The following ERC1 variants were observed in gnomAD, a reference collection of about 807,000 sequenced individuals.
The protein encoded by ERC1 is ELKS/RAB6-interacting/CAST family member 1.
ERC1 carries 56 observed loss-of-function variants against 132.0 expected under a neutral mutation model. The ratio of observed to expected loss-of-function variants is 0.42; its 90% confidence interval spans 0.34 to 0.53. The LOEUF (loss-of-function observed/expected upper bound fraction) is 0.53, where lower values mean the gene tolerates loss of function less well. Among genes scored for constraint, ERC1 ranks in the 20% least tolerant of loss-of-function variants. ERC1 has a pLI of 0.03. For missense variants in ERC1, 1,202 were observed against 1,349.9 expected (o/e 0.89, Z 1.72); for synonymous variants, 478 against 476.1 (o/e 1.00, Z -0.05).
At chr12:1,023,308 A>G (rs1032800773) in intron 1 of ERC1, among the ~76,000 whole-genome samples, 6 of 152,212 alleles carry the variant, frequency 3.9e-5, no homozygotes, top group African/African-American at 1.2e-4. Flanking sequence ...ATATGTGTGT[A>G]TATGGAGTAT....
intron 7 of ERC1, among the ~76,000 whole-genome samples, chr12:1,121,731 C>A (rs1947196532): frequency 3.0e-4 from 2 of 6,684 alleles, no homozygotes; most frequent in Non-Finnish European, 6.0e-4. Flanking sequence ...CTATCTCTAT[C>A]TCTATCTCTA....
At chr12:1,169,200 C>T (rs771373063) in intron 8 of ERC1, among the ~76,000 whole-genome samples, 7 of 151,356 alleles carry the variant, frequency 4.6e-5, no homozygotes, top group Non-Finnish European at 7.4e-5. Context: ...GTGGATGCTG[C>T]GATGATCGAT....
At chr12:1,312,886 A>G (rs368068633) in intron 15 of ERC1, among the ~76,000 whole-genome samples, 6 of 152,088 alleles carry the variant, frequency 3.9e-5, no homozygotes, top group East Asian at 3.8e-4. Context: ...AACATTTATC[A>G]TGTTATTCCT....
intron 15 of ERC1, among the ~76,000 whole-genome samples, chr12:1,309,249 TGTC>T (rs772151985): frequency 2.7e-4 from 41 of 152,366 alleles, no homozygotes; most frequent in South Asian, 1.2e-3. Context: ...TTTTGCATGA[TGTC>T]GTATTGAACT....
rs370168087 is a variant in ERC1 at position 1,470,842 on chromosome 12, G to A, written c.3214-19251G>A. On this transcript the variant is annotated intron_variant, in intron 18 of 18. Coordinates refer to ENST00000360905, the MANE Select transcript of ERC1 (RefSeq NM_178040.4). ...GTCCATCCGTCCATCTCTTGCTTCA[G>A]GACTGTACTTCGTCCAAGCATTCCA... 4.6e-5 allele frequency among the ~76,000 whole-genome samples: 7 copies of A among 152,264 alleles called. No homozygotes were observed. In the South Asian group the frequency reaches 1.2e-3, roughly 27 times the overall value.
intron 15 of ERC1, among the ~76,000 whole-genome samples, chr12:1,297,982 T>C (rs2080095153): frequency 1.3e-5 from 2 of 152,108 alleles, no homozygotes; most frequent in Admixed American, 1.3e-4. Context: ...ATCCCAGTGC[T>C]TTGGGAAGCT....
upstream of ERC1, among the ~76,000 whole-genome samples, chr12:990,848 A>G (rs190060815): frequency 2.2e-4 from 34 of 151,836 alleles, 1 homozygote; most frequent in East Asian, 5.5e-3. Context: ...TCCAGCGTCC[A>G]CTTCCTACGG....
intron 1 of ERC1, among the ~76,000 whole-genome samples, chr12:1,003,845 A>C (rs912125404): frequency 1.3e-5 from 2 of 152,236 alleles, no homozygotes; most frequent in African/African-American, 4.8e-5. Flanking sequence ...CATACCAAAA[A>C]GGATAACACC....
At chr12:1,433,397 AC>A (rs2092856697) in intron 17 of ERC1, among the ~76,000 whole-genome samples, 1 of 152,186 alleles carries the variant, frequency 6.6e-6, no homozygotes, top group Non-Finnish European at 1.5e-5. Context: ...TAGCGTGTTA[AC>A]CTGATGCTTT....
intron 8 of ERC1, among the ~76,000 whole-genome samples, chr12:1,142,339 C>G (rs1391268899): frequency 6.6e-6 from 1 of 152,060 alleles, no homozygotes; most frequent in Non-Finnish European, 1.5e-5. Context: ...ATTGTTGTTA[C>G]TAACAGCATT....
chr12:1,114,843 CT>C (rs910927012), intron 6 of ERC1, among the ~76,000 whole-genome samples: 2 of 151,948 alleles, frequency 1.3e-5, no homozygotes, highest in Non-Finnish European at 2.9e-5. Flanking sequence ...AATACTTAAT[CT>C]TTTTTGAAAC....
intron 11 of ERC1, 72 bp from the exon 12 acceptor site, chr12:1,189,787 C>A: frequency 3.4e-6 from 4 of 1,181,472 alleles, no homozygotes; most frequent in Admixed American, 2.6e-5. Flanking sequence ...GAATATAAAT[C>A]ATTGTTTGGG....
intron 14 of ERC1, among the ~76,000 whole-genome samples, chr12:1,283,918 C>G (rs542939109): frequency 3.7e-4 from 56 of 152,286 alleles, no homozygotes; most frequent in African/African-American, 1.3e-3. Flanking sequence ...TTGCAACATT[C>G]CAAATCTTCT....
chr12:1,241,620 G>C (rs1241518677), intron 13 of ERC1, among the ~76,000 whole-genome samples: 1 of 151,850 alleles, frequency 6.6e-6, no homozygotes. Flanking sequence ...AATGTTCATT[G>C]CTTTAATGCA....
chr12:1,479,701 AG>A (rs2094047106), intron 18 of ERC1, among the ~76,000 whole-genome samples: 1 of 152,112 alleles, frequency 6.6e-6, no homozygotes, highest in African/African-American at 2.4e-5. Context: ...AAACCAAGGG[AG>A]GGGTTGGAAA....
At chr12:1,004,401 CTTTTTTTTTTTT>C (rs71055118) in intron 1 of ERC1, among the ~76,000 whole-genome samples, 2 of 95,024 alleles carry the variant, frequency 2.1e-5, no homozygotes, top group Non-Finnish European at 4.0e-5. Context: ...TTTTCTTTCT[CTTTTTTTTTTTT>C]TTTTTTTTTT....
intron 2 of ERC1, among the ~76,000 whole-genome samples, chr12:1,073,874 A>ACC (rs1940872533): frequency 2.3e-5 from 1 of 44,174 alleles, no homozygotes; most frequent in Non-Finnish European, 4.8e-5. Flanking sequence ...GGAATTCCCC[A>ACC]CCCTCCCACC....
At chr12:1,400,916 A>ATTTTTTTTTTTTTTTTTTTTT (rs869202443) in intron 16 of ERC1, among the ~76,000 whole-genome samples, 2 of 15,058 alleles carry the variant, frequency 1.3e-4, no homozygotes, top group Non-Finnish European at 2.2e-4. Flanking sequence ...CTATTTTTGT[A>ATTTTTTTTTTTTTTTTTTTTT]TTTTTTTTTT....
At chr12:1,446,933 T>C (rs1023646965) in intron 18 of ERC1, among the ~76,000 whole-genome samples, 1 of 152,022 alleles carries the variant, frequency 6.6e-6, no homozygotes, top group Non-Finnish European at 1.5e-5. Flanking sequence ...GGCAGGAGGA[T>C]TGCTTGAGCC....
Sources: gnomAD v4.1 joint callset for allele counts (sites outside exome capture counted in the v4.1 genomes callset) on GRCh38, gnomAD v4.1.1 for gene constraint, MANE v1.5 for transcripts, NCBI Gene and HGNC (gene_info 2026-07-23, HGNC 2026-07-21) for gene names.